The following NXPH1 variants were observed in gnomAD, a reference collection of about 807,000 sequenced individuals.
The protein encoded by NXPH1 is neurexophilin-1.
A neutral mutation model predicts 23.7 loss-of-function variants in NXPH1; 5 were observed. The ratio of observed to expected loss-of-function variants is 0.21; its 90% CI spans 0.11 to 0.44. NXPH1 has a LOEUF of 0.44. NXPH1 is among the 20% of genes least tolerant of loss of function. The pLI is 0.99. For synonymous variants in NXPH1, 144 were observed against 122.2 expected, an observed-to-expected ratio of 1.18 and a Z score of -1.18; for missense variants, 324 against 321.6, an observed-to-expected ratio of 1.01 and a Z score of -0.06.
intron 2 of NXPH1, among the ~76,000 whole-genome samples, chr7:8,716,505 C>T (rs1272235337): frequency 6.6e-6 from 1 of 151,996 alleles, no homozygotes; most frequent in Non-Finnish European, 1.5e-5. Context: ...GATTTTTATC[C>T]AATTTATTGT....
chr7:8,705,186 G>A (rs1283457531), intron 2 of NXPH1, among the ~76,000 whole-genome samples: 1 of 152,120 alleles, frequency 6.6e-6, no homozygotes, highest in East Asian at 1.9e-4. Flanking sequence ...TTATGCAAGT[G>A]CTGAGTCTTC....
chr7:8,601,117 G>A (rs373128477), intron 2 of NXPH1, among the ~76,000 whole-genome samples: 141 of 152,150 alleles, frequency 9.3e-4, no homozygotes, highest in African/African-American at 3.2e-3. Context: ...ATCCACAGGA[G>A]GTCCTGGAAC....
chr7:8,549,040 A>G (rs1290809615), intron 2 of NXPH1, among the ~76,000 whole-genome samples: 1 of 151,556 alleles, frequency 6.6e-6, no homozygotes, highest in Non-Finnish European at 1.5e-5. Context: ...TTAATAATTG[A>G]AAGATAAAGT....
chr7:8,551,811 A>G (rs1818280217), intron 2 of NXPH1, among the ~76,000 whole-genome samples: 1 of 151,394 alleles, frequency 6.6e-6, no homozygotes, highest in African/African-American at 2.4e-5. Flanking sequence ...TTGTACAAAT[A>G]TTGTCAAATA....
chr7:8,642,788 CA>C (rs1205113706), intron 2 of NXPH1, among the ~76,000 whole-genome samples: 2 of 152,136 alleles, frequency 1.3e-5, no homozygotes, highest in African/African-American at 4.8e-5. Flanking sequence ...GATATTCTTT[CA>C]CTTTCACTGA....
intron 2 of NXPH1, among the ~76,000 whole-genome samples, chr7:8,518,423 A>G (rs1817720934): frequency 6.6e-6 from 1 of 152,178 alleles, no homozygotes; most frequent in African/African-American, 2.4e-5. Flanking sequence ...ATTATTAAAA[A>G]AGAAAATATT....
chr7:8,625,854 C>T (rs1195619631), intron 2 of NXPH1, among the ~76,000 whole-genome samples: 3 of 152,006 alleles, frequency 2.0e-5, no homozygotes, highest in African/African-American at 7.2e-5. Flanking sequence ...GTAGATTAAC[C>T]CCACAGCCTT....
At chr7:8,737,016 G>T (rs149548602) in intron 2 of NXPH1, among the ~76,000 whole-genome samples, 1 of 151,104 alleles carries the variant, frequency 6.6e-6, no homozygotes, top group Non-Finnish European at 1.5e-5. Context: ...TATTTTGAGC[G>T]TGCGTGTGTG....
chr7:8,502,412 A>G (rs541045750), intron 2 of NXPH1, among the ~76,000 whole-genome samples: 1 of 152,096 alleles, frequency 6.6e-6, no homozygotes, highest in South Asian at 2.1e-4. Flanking sequence ...TTTAACAAAC[A>G]TTCATAAAAG....
intron 2 of NXPH1, among the ~76,000 whole-genome samples, chr7:8,484,654 C>T (rs919654611): frequency 6.6e-6 from 1 of 152,042 alleles, no homozygotes; most frequent in African/African-American, 2.4e-5. Flanking sequence ...TAAAATCGAG[C>T]TTTTAAAAAA....
chr7:8,481,746 C>T (rs1817076076), intron 2 of NXPH1, among the ~76,000 whole-genome samples: 2 of 152,060 alleles, frequency 1.3e-5, no homozygotes, highest in African/African-American at 4.8e-5. Flanking sequence ...TTGCATAATG[C>T]TGAGGTTTGG....
intron 2 of NXPH1, among the ~76,000 whole-genome samples, chr7:8,639,930 T>A (rs186774128): frequency 6.6e-6 from 1 of 152,226 alleles, no homozygotes; most frequent in South Asian, 2.1e-4. Context: ...GTTTCAGGTA[T>A]GTTGTTATTA....
intron 2 of NXPH1, among the ~76,000 whole-genome samples, chr7:8,655,803 T>C (rs1379367020): frequency 4.6e-5 from 7 of 152,222 alleles, no homozygotes; most frequent in Non-Finnish European, 1.0e-4. Context: ...CCTCAGCTTT[T>C]GCATTTGGGA....
Position 8,661,018 on chromosome 7 carries a change from G to A in NXPH1, c.55-89990G>A, listed in dbSNP as rs115077761. On this transcript the variant is annotated intron_variant, in intron 2 of 2. Coordinates refer to ENST00000405863, the MANE Select transcript of NXPH1 (RefSeq NM_152745.3). ...CTTATATGGAACGATCTTTTCCTCA[G>A]GAAATCTCTTTTGATTAAGAAGCTG... Among the ~76,000 whole-genome samples, 1,023 of 148,216 alleles carry A rather than the reference G, an allele frequency of 6.9e-3. 14 individuals carry two copies. The highest frequency in any genetic ancestry group is 0.024 in the African/African-American group (979 of 40,316).
In NXPH1 at chr7:8,625,033, T is replaced by C. The variant is rs1360572461; in HGVS notation, c.55-125975T>C. On this transcript the variant is annotated intron_variant, in intron 2 of 2. Coordinates refer to ENST00000405863, the MANE Select transcript of NXPH1 (RefSeq NM_152745.3). ...GGCCCTTCAGCTGTTTTAAAATATATATTTAGAGAAGACTGTCCCAATCCA... is the reference window on the plus strand; with the variant it reads ...GGCCCTTCAGCTGTTTTAAAATATACATTTAGAGAAGACTGTCCCAATCCA... Among the ~76,000 whole-genome samples, 5 of 152,162 alleles carry C rather than the reference T, an allele frequency of 3.3e-5. No individual in the cohort carries two copies. In the South Asian group the frequency reaches 6.2e-4, roughly 19 times the overall value.
At chr7:8,453,547 T>A (rs1816542065) in intron 2 of NXPH1, among the ~76,000 whole-genome samples, 1 of 152,164 alleles carries the variant, frequency 6.6e-6, no homozygotes, top group Non-Finnish European at 1.5e-5. Flanking sequence ...TTAAGAAAAT[T>A]TAATATGTTT....
chr7:8,723,932 C>T (rs989876301), intron 2 of NXPH1, among the ~76,000 whole-genome samples: 1 of 152,180 alleles, frequency 6.6e-6, no homozygotes, highest in Non-Finnish European at 1.5e-5. Context: ...AAGCTAGAGA[C>T]ATAGACACAT....
chr7:8,727,334 T>C (rs1168758321), intron 2 of NXPH1, among the ~76,000 whole-genome samples: 1 of 138,334 alleles, frequency 7.2e-6, no homozygotes, highest in South Asian at 2.4e-4. Context: ...AGAAGCTCTT[T>C]AGTTTAATTA....
In NXPH1 at chr7:8,751,532, T is replaced by C; in HGVS notation, c.579T>C (p.Asn193=). 6.2e-7 allele frequency: 1 copy of C among 1,613,570 alleles called. No homozygotes were observed. Among genetic ancestry groups the C allele is most frequent in the South Asian group, 1.1e-5 (1 of 91,060 alleles). Residue 193 remains asparagine, a synonymous_variant, in exon 3 of 3, where the codon AAT becomes AAC. Transcript: ENST00000405863. The surrounding 1 kb of genome is among the most constrained non-coding windows in gnomAD (Gnocchi z 4.5). ...VIDAKDSKSF[N]CRIEYEKVDK... ...ATGCCAAAGATTCCAAGTCTTTTAA[T>C]TGTCGCATTGAATATGAAAAGGTTG...
Sources: allele counts gnomAD v4.1 joint callset (sites outside exome capture counted in the v4.1 genomes callset), GRCh38; gene constraint gnomAD v4.1.1; non-coding constraint Gnocchi (gnomAD v3.1); transcripts MANE v1.5; gene names NCBI Gene and HGNC (gene_info 2026-07-23, HGNC 2026-07-21).